The following SEMA5A variants were observed in gnomAD, a reference collection of about 807,000 sequenced individuals.
SEMA5A encodes the protein semaphorin 5A, also known as semaphorin-5A.
A neutral mutation model predicts 135.5 loss-of-function variants in SEMA5A; 55 were observed. The ratio of observed to expected loss-of-function variants is 0.41; its 90% CI spans 0.33 to 0.51. The LOEUF (loss-of-function observed/expected upper bound fraction) is 0.51. Among genes scored for constraint, SEMA5A ranks in the 20% least tolerant of loss-of-function variants. The probability of loss-of-function intolerance (pLI) is 0.37; values close to 1 mark genes in which losing one functional copy is unlikely to be tolerated. For synonymous variants in SEMA5A, 580 were observed against 546.5 expected, an observed-to-expected ratio of 1.06 and a Z score of -0.85; for missense variants, 1,290 against 1,419.9, an observed-to-expected ratio of 0.91 and a Z score of 1.47.
intron 5 of SEMA5A, among the ~76,000 whole-genome samples, chr5:9,316,725 G>A (rs1042794135): frequency 4.6e-5 from 7 of 152,006 alleles, no homozygotes; most frequent in South Asian, 2.1e-4. Context: ...ATACGTATAC[G>A]TTGTGGAATG....
chr5:9,197,728 T>TTGTATGTGTGTGTGTGTTTGTGTG (rs778921009), intron 9 of SEMA5A, among the ~76,000 whole-genome samples: 1 of 59,288 alleles, frequency 1.7e-5, no homozygotes, highest in African/African-American at 7.5e-5. Flanking sequence ...GGAAAGCTGT[T>TTGTATGTGTGTGTGTGTTTGTGTG]TGTGTGTGTG....
intron 1 of SEMA5A, among the ~76,000 whole-genome samples, chr5:9,484,316 C>T (rs1437456270): frequency 1.3e-5 from 2 of 152,170 alleles, no homozygotes; most frequent in African/African-American, 4.8e-5. Context: ...ACATGATTTC[C>T]TTGGCCTCCC....
chr5:9,230,021 G>A (rs2150431020), intron 6 of SEMA5A, among the ~76,000 whole-genome samples: 1 of 152,298 alleles, frequency 6.6e-6, no homozygotes, highest in African/African-American at 2.4e-5. Flanking sequence ...GGTTCACTCT[G>A]TTGCCCAGGC....
intron 1 of SEMA5A, among the ~76,000 whole-genome samples, chr5:9,488,582 T>G (rs988419481): frequency 7.2e-5 from 11 of 152,180 alleles, no homozygotes; most frequent in African/African-American, 2.2e-4. Context: ...TGAACATTGA[T>G]AGCTGCATGG....
intron 1 of SEMA5A, among the ~76,000 whole-genome samples, chr5:9,452,309 G>A (rs1758673893): frequency 6.6e-6 from 1 of 152,248 alleles, no homozygotes; most frequent in South Asian, 2.1e-4. Context: ...TGCTTTGACA[G>A]ACACATGGCT....
At chr5:9,079,279 A>C (rs1426835404) in intron 16 of SEMA5A, among the ~76,000 whole-genome samples, 2 of 152,286 alleles carry the variant, frequency 1.3e-5, no homozygotes, top group South Asian at 2.1e-4. Context: ...ACACAACTAC[A>C]TGGAAACTGA....
intron 3 of SEMA5A, among the ~76,000 whole-genome samples, chr5:9,375,251 A>G (rs1427081497): frequency 6.6e-6 from 1 of 152,190 alleles, no homozygotes; most frequent in Non-Finnish European, 1.5e-5. Context: ...GTACCTCTGA[A>G]TGTGACCGTA....
chr5:9,349,231 C>G (rs1754007785), intron 3 of SEMA5A, among the ~76,000 whole-genome samples: 1 of 152,214 alleles, frequency 6.6e-6, no homozygotes. Flanking sequence ...TTTGCCAAGT[C>G]AGACCAAGGT....
intron 5 of SEMA5A, among the ~76,000 whole-genome samples, chr5:9,264,329 A>G (rs1036502541): frequency 6.6e-6 from 1 of 152,208 alleles, no homozygotes. Context: ...AAGGCCAGGA[A>G]GGTGAGGGAA....
At chr5:9,305,482 A>T (rs1455042838) in intron 5 of SEMA5A, among the ~76,000 whole-genome samples, 1 of 151,900 alleles carries the variant, frequency 6.6e-6, no homozygotes. Flanking sequence ...AGAGCTGGGC[A>T]CCCACATTGC....
chr5:9,108,023 G>A (rs41283163), intron 16 of SEMA5A, 117 bp downstream of exon 16: 110,894 of 1,289,808 alleles, frequency 0.086, 5,396 homozygotes, highest in South Asian at 0.16. Context: ...AGCCTCTAGT[G>A]TGTGCAGAAC....
chr5:9,108,024 T>G, intron 16 of SEMA5A, 116 bp downstream of exon 16: 3 of 1,300,378 alleles, frequency 2.3e-6, no homozygotes, highest in Non-Finnish European at 3.2e-6. Flanking sequence ...GCCTCTAGTG[T>G]GTGCAGAACA....
chr5:9,190,911 G>C (rs768839719), intron 10 of SEMA5A, among the ~76,000 whole-genome samples: 8 of 152,150 alleles, frequency 5.3e-5, no homozygotes, highest in African/African-American at 1.2e-4. Flanking sequence ...ACTGCAGCAG[G>C]GGGTCTGTAA....
At chr5:9,196,607 A>C (rs1172193605) in intron 10 of SEMA5A, among the ~76,000 whole-genome samples, 2 of 152,136 alleles carry the variant, frequency 1.3e-5, no homozygotes, top group African/African-American at 4.8e-5. Flanking sequence ...GCTTCTTCTG[A>C]ACACTGGGAG....
At chr5:9,132,251 T>C (rs2150208739) in intron 13 of SEMA5A, among the ~76,000 whole-genome samples, 1 of 152,292 alleles carries the variant, frequency 6.6e-6, no homozygotes, top group African/African-American at 2.4e-5. Context: ...CCTTATCCAA[T>C]TCAAACTCTC....
chr5:9,197,134 T>G (rs1386623693), intron 10 of SEMA5A, 34 bp downstream of exon 10: 3 of 1,613,396 alleles, frequency 1.9e-6, no homozygotes, highest in Non-Finnish European at 2.5e-6. Flanking sequence ...TCATGGGGGA[T>G]GCCAACAGTG....
At chr5:9,336,094 C>T (rs1360328200) in intron 4 of SEMA5A, among the ~76,000 whole-genome samples, 2 of 152,162 alleles carry the variant, frequency 1.3e-5, no homozygotes, top group South Asian at 2.1e-4. Flanking sequence ...CAGGTCCTTA[C>T]TACAAGTGGG....
At chr5:9,458,064 C>A (rs369764111) in intron 1 of SEMA5A, among the ~76,000 whole-genome samples, 12 of 152,034 alleles carry the variant, frequency 7.9e-5, no homozygotes, top group African/African-American at 2.9e-4. Flanking sequence ...CCCGCCAACA[C>A]GCCCAGCTAA....
chr5:9,090,734 G>A (rs1738986147), intron 16 of SEMA5A, among the ~76,000 whole-genome samples: 1 of 152,156 alleles, frequency 6.6e-6, no homozygotes, highest in Non-Finnish European at 1.5e-5. Context: ...ACCTGCAACC[G>A]GGGAGTTTGG....
Sources: allele counts gnomAD v4.1 joint callset (sites outside exome capture counted in the v4.1 genomes callset), GRCh38; gene constraint gnomAD v4.1.1; transcripts MANE v1.5; gene names NCBI Gene and HGNC (gene_info 2026-07-23, HGNC 2026-07-21).